DUX4: variants seen among roughly 807,000 people sequenced by gnomAD.
DUX4 encodes the protein double homeobox 4, also known as double homeobox protein 4.
rs1184497615 is a variant in DUX4, at chr4:190,183,225, T to C, written n.93-2116T>C. 5.8e-5 allele frequency: 6 copies of C among 103,084 alleles called. 2 individuals carry two copies. The highest frequency in any genetic ancestry group is 1.4e-4 in the Non-Finnish European group (6 of 44,402). 6.4% of individuals were successfully genotyped at this position (103,084 alleles called of 1,614,324 possible). A position where few individuals can be genotyped will look rare whatever the true frequency, so the allele number is the denominator to read the frequency against. On this transcript the variant is annotated intron_variant and non_coding_transcript_variant, in intron 1 of 2. Coordinates refer to the DUX4 transcript ENST00000563716. ...ATTATTATTTATATTACACTATTAC[T>C]TAATATATAGGCTATTAAGACATGT...
chr4:190,180,099 T>TGAGTGCAGAGATATGTCA (rs1742531201), downstream of DUX4, among the ~76,000 whole-genome samples: 1 of 23,352 alleles, frequency 4.3e-5, no homozygotes, highest in Non-Finnish European at 9.7e-5. Context: ...ACCTGGGTGA[T>TGAGTGCAGAGATATGTCA]CAGTGCAGAA....
chr4:190,179,436 TCACAAAG>T, downstream of DUX4, among the ~76,000 whole-genome samples: 1 of 127,762 alleles, frequency 7.8e-6, no homozygotes, highest in Non-Finnish European at 1.8e-5. Flanking sequence ...CAGGGATATG[TCACAAAG>T]CACCCTGTAA....
intron 1 of DUX4, among the ~76,000 whole-genome samples, chr4:190,181,313 A>G (rs1418809566): frequency 2.2e-4 from 6 of 26,804 alleles, no homozygotes; most frequent in Admixed American, 3.9e-4. Flanking sequence ...AGCCTAAAGA[A>G]GAGTCCCATC....
chr4:190,178,885 A>AGATT (rs1415331305), downstream of DUX4, among the ~76,000 whole-genome samples: 31,307 of 96,942 alleles, frequency 0.32, 2,802 homozygotes, highest in Non-Finnish European at 0.35. Context: ...ATCAGTGCAG[A>AGATT]TCTATGTCAC....
chr4:190,181,633 C>CAATA (rs1742587411), intron 1 of DUX4, among the ~76,000 whole-genome samples: 8 of 124,316 alleles, frequency 6.4e-5, no homozygotes, highest in Non-Finnish European at 9.1e-5. Flanking sequence ...CAGAAAGCCC[C>CAATA]CTGTAGGCAG....
chr4:190,178,718 G>GACTTAC (rs1742445952), downstream of DUX4, among the ~76,000 whole-genome samples: 1 of 150,656 alleles, frequency 6.6e-6, no homozygotes, highest in African/African-American at 2.4e-5. Context: ...GAGCTTAGAT[G>GACTTAC]AGTTACATCA....
rs1382424913 is a variant in DUX4 at position 190,183,248 on chromosome 4, T to C, written n.93-2093T>C. 24 of 107,472 alleles carry C rather than the reference T, an allele frequency of 2.2e-4. 5 individuals carry two copies. The East Asian group carries it at 7.2e-3, about 32-fold the overall frequency. The allele number at this position is 107,472 out of a possible 1,614,324, so 6.7% of individuals were successfully genotyped here. On this transcript the variant is annotated intron_variant and non_coding_transcript_variant, in intron 1 of 2. Coordinates refer to the DUX4 transcript ENST00000563716. ...ACTTAATATATAGGCTATTAAGACA[T>C]GTTTGTCTTCAAAGAATGGCCTTGG...
chr4:190,182,348 T>TGGATTC (rs1742611620), intron 1 of DUX4, among the ~76,000 whole-genome samples: 26 of 82,170 alleles, frequency 3.2e-4, no homozygotes, highest in East Asian at 2.8e-3. Context: ...GGTTCAAGTT[T>TGGATTC]GGATTCGGGT....
At chr4:190,179,025 TGTCACAAAGTC>T (rs1742472473), downstream of DUX4, among the ~76,000 whole-genome samples, 1 of 8,082 alleles carries the variant, frequency 1.2e-4, no homozygotes, top group African/African-American at 5.5e-4. Context: ...TGCAGAGTTA[TGTCACAAAGTC>T]CCTTTAGGCA....
At chr4:190,177,777 T>C (rs1742385544), downstream of DUX4, among the ~76,000 whole-genome samples, 24 of 150,784 alleles carry the variant, frequency 1.6e-4, no homozygotes, top group South Asian at 8.5e-4. Flanking sequence ...ATCACCTGGG[T>C]GATCAGTGCA....
chr4:190,178,201 AGATATGT>A (rs1742409732), downstream of DUX4, among the ~76,000 whole-genome samples: 1 of 151,940 alleles, frequency 6.6e-6, no homozygotes, highest in Admixed American at 6.6e-5. Context: ...ATCAGTGCAG[AGATATGT>A]CACAATGCCC....
downstream of DUX4, among the ~76,000 whole-genome samples, chr4:190,177,914 TGA>T (rs1742395074): frequency 6.6e-6 from 1 of 151,268 alleles, no homozygotes; most frequent in African/African-American, 2.4e-5. Flanking sequence ...ATCACCTGGG[TGA>T]TCAGTGTGGA....
intron 1 of DUX4, among the ~76,000 whole-genome samples, chr4:190,181,277 T>C (rs1579837098): frequency 0.044 from 3,143 of 71,446 alleles, no homozygotes; most frequent in Middle Eastern, 0.076. Context: ...AGTGCAGAAA[T>C]ATGTGACAAT....
downstream of DUX4, among the ~76,000 whole-genome samples, chr4:190,178,882 C>CAT (rs1742459557): frequency 7.0e-6 from 1 of 143,702 alleles, no homozygotes; most frequent in Non-Finnish European, 1.5e-5. Flanking sequence ...GTGATCAGTG[C>CAT]AGATCTATGT....
downstream of DUX4, among the ~76,000 whole-genome samples, chr4:190,179,180 G>A (rs1742481274): frequency 9.8e-4 from 149 of 151,982 alleles, no homozygotes; most frequent in African/African-American, 3.5e-3. Flanking sequence ...GCCCCTGTAG[G>A]CAGAGCCCTG....
chr4:190,178,756 AC>A (rs1742448635), downstream of DUX4, among the ~76,000 whole-genome samples: 2 of 115,778 alleles, frequency 1.7e-5, no homozygotes, highest in African/African-American at 3.1e-5. Flanking sequence ...AAGGTATGTC[AC>A]AAAGCCCCCT....
downstream of DUX4, among the ~76,000 whole-genome samples, chr4:190,178,569 G>GTTT: frequency 7.1e-6 from 1 of 140,826 alleles, no homozygotes; most frequent in South Asian, 2.2e-4. Flanking sequence ...GCCCCCTGTA[G>GTTT]GCAGAGGGTA....
rs1273068037 is a variant in DUX4, at chr4:190,175,751, C to T, written c.*341C>T. 31 of 159,044 alleles carry T rather than the reference C, an allele frequency of 1.9e-4. No individual in the cohort carries two copies. Among genetic ancestry groups the T allele is most frequent in the African/African-American group, 7.9e-4 (30 of 37,822 alleles). 9.9% of individuals were successfully genotyped at this position (159,044 alleles called of 1,614,324 possible). A position where few individuals can be genotyped will look rare whatever the true frequency, so the allele number is the denominator to read the frequency against. ...CTGGCTGAATGTCTCCCCCCACCTT[C>T]CGACGCTGTCTAGGCAAACCTGGAT... On this transcript the variant is annotated 3_prime_UTR_variant, in exon 2 of 2. Coordinates refer to ENST00000565211, the MANE Select transcript of DUX4 (RefSeq NM_001306068.3).
downstream of DUX4, among the ~76,000 whole-genome samples, chr4:190,177,094 G>A (rs1441529458): frequency 0.082 from 5,239 of 63,606 alleles, no homozygotes; most frequent in East Asian, 0.18. Context: ...CATCACCTGG[G>A]TGATCAGTGC....
Sources: allele counts gnomAD v4.1 joint callset (sites outside exome capture counted in the v4.1 genomes callset), GRCh38; gene constraint gnomAD v4.1.1; transcripts MANE v1.5; gene names NCBI Gene and HGNC (gene_info 2026-07-23, HGNC 2026-07-21).